Variants in CDH13 observed in about 807,000 individuals in gnomAD.
CDH13 encodes cadherin-13.
CDH13 carries 24 observed loss-of-function variants against 63.8 expected under a neutral mutation model. The ratio of observed to expected loss-of-function variants is 0.38; its 90% CI spans 0.27 to 0.53. The LOEUF (loss-of-function observed/expected upper bound fraction) is 0.53. Ranked by LOEUF, CDH13 falls within the 20% of genes least tolerant of loss-of-function variation. The pLI is 0.85. For missense variants in CDH13, 1,049 were observed against 903.1 expected, an observed-to-expected ratio of 1.16 and a Z score of -2.07; for synonymous variants, 503 against 355.3, an observed-to-expected ratio of 1.42 and a Z score of -4.67.
intron 11 of CDH13, among the ~76,000 whole-genome samples, chr16:83,767,891 G>T (rs781735975): frequency 1.3e-5 from 2 of 152,106 alleles, no homozygotes; most frequent in African/African-American, 4.8e-5. Flanking sequence ...TTATTTTTGG[G>T]GGTGATGAAA....
intron 1 of CDH13, among the ~76,000 whole-genome samples, chr16:82,668,199 C>G (rs565125114): frequency 6.6e-6 from 1 of 152,238 alleles, no homozygotes; most frequent in Non-Finnish European, 1.5e-5. Context: ...ACTACACCAC[C>G]AAACCCTGGC....
chr16:82,849,789 G>C (rs2039406698), intron 1 of CDH13, among the ~76,000 whole-genome samples: 1 of 152,118 alleles, frequency 6.6e-6, no homozygotes, highest in Non-Finnish European at 1.5e-5. Context: ...AAACATCTTA[G>C]GGCCCTTAAG....
chr16:83,003,475 G>A (rs13338220), intron 2 of CDH13, among the ~76,000 whole-genome samples: 37,706 of 151,964 alleles, frequency 0.25, 5,413 homozygotes, highest in Non-Finnish European at 0.33. Flanking sequence ...ATAAATAAAT[G>A]TATAATCAGG....
chr16:82,961,572 TAA>T (rs71376305), intron 2 of CDH13, among the ~76,000 whole-genome samples: 1,321 of 103,386 alleles, frequency 0.013, 24 homozygotes, highest in African/African-American at 0.051. Flanking sequence ...GCAGGGGACT[TAA>T]AAAAAAAAAA....
At chr16:83,726,253 G>C (rs1910369624) in intron 10 of CDH13, 1 of 152,212 alleles carries the variant, frequency 6.6e-6, no homozygotes, top group Admixed American at 6.5e-5. Flanking sequence ...CTGTTTTTTA[G>C]ATGGGGAAAC....
At chr16:82,798,910 T>C (rs141751832) in intron 1 of CDH13, among the ~76,000 whole-genome samples, 108 of 152,258 alleles carry the variant, frequency 7.1e-4, no homozygotes, top group African/African-American at 2.2e-3. Flanking sequence ...GGTTTGATTC[T>C]CACTTTGCAG....
chr16:82,843,966 G>A (rs553041700), intron 1 of CDH13, among the ~76,000 whole-genome samples: 1 of 152,292 alleles, frequency 6.6e-6, no homozygotes, highest in East Asian at 1.9e-4. Context: ...TGACTCCCTC[G>A]TGGATATTTT....
intron 1 of CDH13, among the ~76,000 whole-genome samples, chr16:82,788,045 G>C (rs138141665): frequency 6.6e-6 from 1 of 152,134 alleles, no homozygotes; most frequent in East Asian, 1.9e-4. Flanking sequence ...TCTTCAAGAA[G>C]TGCCCTGTTG....
At chr16:82,658,904 A>G (rs1911608282) in intron 1 of CDH13, among the ~76,000 whole-genome samples, 1 of 152,208 alleles carries the variant, frequency 6.6e-6, no homozygotes, top group Non-Finnish European at 1.5e-5. Flanking sequence ...TTCAGATAAA[A>G]TAGCCCTAAA....
At chr16:83,593,198 C>G (rs557958339) in intron 7 of CDH13, among the ~76,000 whole-genome samples, 19 of 152,152 alleles carry the variant, frequency 1.2e-4, no homozygotes, top group Non-Finnish European at 1.6e-4. Context: ...CTGATCGGGA[C>G]AAAGCTAAAG....
intron 5 of CDH13, among the ~76,000 whole-genome samples, chr16:83,239,758 G>A (rs954462243): frequency 2.0e-4 from 31 of 152,168 alleles, no homozygotes; most frequent in South Asian, 6.2e-4. Context: ...AGTAACAGCA[G>A]TGAACCAGAG....
chr16:83,380,225 A>C (rs2091538046), intron 6 of CDH13, among the ~76,000 whole-genome samples: 1 of 151,718 alleles, frequency 6.6e-6, no homozygotes, highest in Non-Finnish European at 1.5e-5. Context: ...TTCTTTTAAT[A>C]AAATAAAGAC....
At chr16:83,191,561 A>T (rs914324758) in intron 4 of CDH13, among the ~76,000 whole-genome samples, 13 of 145,184 alleles carry the variant, frequency 9.0e-5, no homozygotes, top group Admixed American at 8.4e-4. Context: ...ATATATACAC[A>T]CACACATATA....
At chr16:83,145,030 T>C (rs936866660) in intron 4 of CDH13, among the ~76,000 whole-genome samples, 2 of 151,460 alleles carry the variant, frequency 1.3e-5, no homozygotes, top group Non-Finnish European at 2.9e-5. Flanking sequence ...GCCGTGGCTA[T>C]GTTGCCACTT....
chr16:83,723,966 G>T (rs1032226266), intron 10 of CDH13, among the ~76,000 whole-genome samples: 4 of 152,120 alleles, frequency 2.6e-5, no homozygotes, highest in Admixed American at 2.6e-4. Flanking sequence ...TGCCTGGGTG[G>T]GTGATGAATG....
chr16:83,521,908 G>A (rs2074846583), intron 7 of CDH13, among the ~76,000 whole-genome samples: 1 of 152,222 alleles, frequency 6.6e-6, no homozygotes, highest in African/African-American at 2.4e-5. Context: ...TGAGGTCGTT[G>A]AAGTTTAAAT....
intron 2 of CDH13, among the ~76,000 whole-genome samples, chr16:82,865,697 C>A (rs1055379053): frequency 2.0e-5 from 3 of 152,224 alleles, no homozygotes; most frequent in African/African-American, 7.2e-5. Context: ...CTGGAGACAT[C>A]TCCCTCTTAC....
At chr16:83,647,691 C>G (rs971524801) in intron 8 of CDH13, among the ~76,000 whole-genome samples, 2 of 152,180 alleles carry the variant, frequency 1.3e-5, no homozygotes, top group Non-Finnish European at 2.9e-5. Flanking sequence ...TATGATTCCC[C>G]TCAAATGGCC....
intron 1 of CDH13, among the ~76,000 whole-genome samples, chr16:82,639,809 G>A (rs964298968): frequency 6.6e-6 from 1 of 152,252 alleles, no homozygotes; most frequent in African/African-American, 2.4e-5. Context: ...TAGCCACAGA[G>A]CAGCGAGAGC....
Sources: allele counts gnomAD v4.1 joint callset (sites outside exome capture counted in the v4.1 genomes callset), GRCh38; gene constraint gnomAD v4.1.1; transcripts MANE v1.5; gene names NCBI Gene and HGNC (gene_info 2026-07-23, HGNC 2026-07-21).